GRIK4: variants seen among roughly 807,000 people sequenced by gnomAD.
GRIK4 encodes glutamate receptor ionotropic, kainate 4.
Under a neutral mutation model 104.9 loss-of-function variants are expected in GRIK4, and 40 were observed. The ratio of observed to expected loss-of-function variants is 0.38; its 90% CI spans 0.30 to 0.50. The LOEUF (loss-of-function observed/expected upper bound fraction) is 0.50. Ranked by LOEUF, GRIK4 falls within the 20% of genes least tolerant of loss-of-function variation. The pLI, the probability that GRIK4 is intolerant of heterozygous loss-of-function variation, is 0.93. For synonymous variants in GRIK4, 485 were observed against 524.9 expected (o/e 0.92, Z 1.04); for missense variants, 1,047 against 1,308.1 (o/e 0.80, Z 3.08).
At chr11:120,617,570 G>A (rs1460498631) in intron 1 of GRIK4, among the ~76,000 whole-genome samples, 4 of 152,118 alleles carry the variant, frequency 2.6e-5, no homozygotes, top group Non-Finnish European at 5.9e-5. Flanking sequence ...TGTACAGACA[G>A]TGATATCATT....
intron 19 of GRIK4, among the ~76,000 whole-genome samples, chr11:120,979,898 T>C (rs952686986): frequency 6.6e-6 from 1 of 152,192 alleles, no homozygotes; most frequent in Non-Finnish European, 1.5e-5. Flanking sequence ...TGGGGCACGA[T>C]GTCGGATCAA....
intron 4 of GRIK4, among the ~76,000 whole-genome samples, chr11:120,804,824 G>A (rs1397817648): frequency 2.0e-5 from 3 of 152,162 alleles, no homozygotes; most frequent in Admixed American, 6.5e-5. Context: ...CAAGCTGCAG[G>A]TGTTGGCCAG....
At chr11:120,598,362 G>A (rs1034601662) in intron 1 of GRIK4, among the ~76,000 whole-genome samples, 3 of 152,160 alleles carry the variant, frequency 2.0e-5, no homozygotes, top group Admixed American at 1.3e-4. Flanking sequence ...GTAGCAGAAC[G>A]GTGGTTTGAA....
rs528575251 is a variant in GRIK4, at chr11:120,963,572, G to T, written c.2266+891G>T. Among the ~76,000 whole-genome samples the T allele has an allele frequency of 2.0e-5, 3 of 152,332 alleles. No homozygotes were observed. The South Asian group carries it at 6.2e-4, about 32-fold the overall frequency. On this transcript the variant is annotated intron_variant, in intron 18 of 20. Transcript: ENST00000527524. The stretch of plus-strand genomic sequence containing the variant: ...GGGTGTTCTTGTACAAGGCAACAGG[G>T]GAAGAAGCAGGAATCGAGGCCATCA...
chr11:120,694,764 C>G (rs74482798), intron 3 of GRIK4, among the ~76,000 whole-genome samples: 6,290 of 152,208 alleles, frequency 0.041, 244 homozygotes, highest in East Asian at 0.11. Flanking sequence ...GCCCACTTGA[C>G]CTGCAAGTGC....
chr11:120,650,452 C>T lies in GRIK4; in HGVS notation c.-158-3233C>T, dbSNP rs920083918. Among the ~76,000 whole-genome samples the T allele has an allele frequency of 2.6e-5, 4 of 152,350 alleles. No individual in the cohort carries two copies. In the East Asian group the frequency reaches 7.7e-4, roughly 29 times the overall value. On this transcript the variant is annotated intron_variant, in intron 1 of 20. Coordinates refer to ENST00000527524, the MANE Select transcript of GRIK4 (RefSeq NM_014619.5). The stretch of plus-strand genomic sequence containing the variant: ...TCCCATCCTAGGCCTCTGCCCTCCT[C>T]ATGTGTTGTTTTCTCCATCCTGGTC...
intron 3 of GRIK4, among the ~76,000 whole-genome samples, chr11:120,783,699 A>G (rs1189646766): frequency 6.6e-6 from 1 of 152,040 alleles, no homozygotes; most frequent in Non-Finnish European, 1.5e-5. Context: ...TCGTCCCTCT[A>G]TGCATTTTGA....
intron 3 of GRIK4, among the ~76,000 whole-genome samples, chr11:120,694,329 C>T (rs982290403): frequency 3.3e-5 from 5 of 152,210 alleles, no homozygotes; most frequent in African/African-American, 1.2e-4. Context: ...AAGACAGGCT[C>T]TTCCGCCTCT....
chr11:120,673,435 A>G (rs1178919666), intron 3 of GRIK4, among the ~76,000 whole-genome samples: 2 of 152,148 alleles, frequency 1.3e-5, no homozygotes, highest in African/African-American at 4.8e-5. Context: ...CCCTGTCCCC[A>G]TATTGTCTGA....
At chr11:120,815,570 T>G in intron 5 of GRIK4, 95 bp downstream of exon 5, 1 of 690,488 alleles carries the variant, frequency 1.4e-6, no homozygotes. Context: ...GAAGAGCCTG[T>G]CAAGGCTGGG....
intron 1 of GRIK4, among the ~76,000 whole-genome samples, chr11:120,645,106 T>C (rs931386448): frequency 2.0e-5 from 3 of 149,848 alleles, no homozygotes; most frequent in African/African-American, 7.5e-5. Flanking sequence ...GGATGTGTGA[T>C]ATGTATATGC....
chr11:120,524,374 T>C lies in GRIK4; in HGVS notation c.-159+12487T>C, dbSNP rs547031169. Among the ~76,000 whole-genome samples, 3 of 152,262 alleles carry C rather than the reference T, an allele frequency of 2.0e-5. No individual in the cohort carries two copies. The South Asian group carries it at 6.2e-4, about 32-fold the overall frequency. ...GCAATGAGCCTTGACTCTGGAAAGC[T>C]TGGATGGGCCGCCTTCGACTCGCAG... is the stretch of plus-strand genomic sequence containing the variant. On this transcript the variant is annotated intron_variant, in intron 1 of 20. Coordinates refer to ENST00000527524, the MANE Select transcript of GRIK4 (RefSeq NM_014619.5). The surrounding 1 kb of genome is among the most constrained non-coding windows in gnomAD (Gnocchi z 4.5).
intron 3 of GRIK4, among the ~76,000 whole-genome samples, chr11:120,783,908 C>T (rs78351671): frequency 1.2e-4 from 18 of 152,236 alleles, no homozygotes; most frequent in South Asian, 2.1e-4. Flanking sequence ...GTTTGTTTTG[C>T]GAAGTGCTTT....
chr11:120,930,686 T>C (rs1943465238), intron 13 of GRIK4, among the ~76,000 whole-genome samples: 2 of 152,220 alleles, frequency 1.3e-5, no homozygotes, highest in Admixed American at 6.5e-5. Flanking sequence ...ATGAGGATGG[T>C]AAACTTTGAA....
intron 3 of GRIK4, among the ~76,000 whole-genome samples, chr11:120,669,016 C>T (rs888446790): frequency 1.3e-5 from 2 of 152,174 alleles, no homozygotes; most frequent in African/African-American, 4.8e-5. Flanking sequence ...CTAGCCTTTG[C>T]CTGCCCGGAT....
At chr11:120,877,474 G>T (rs1364799540) in intron 11 of GRIK4, among the ~76,000 whole-genome samples, 1 of 152,218 alleles carries the variant, frequency 6.6e-6, no homozygotes, top group Non-Finnish European at 1.5e-5. Context: ...GAAGCTGCCA[G>T]CCTGTGGAGA....
At chr11:120,699,765 A>C (rs1423733002) in intron 3 of GRIK4, among the ~76,000 whole-genome samples, 1 of 152,182 alleles carries the variant, frequency 6.6e-6, no homozygotes, top group Non-Finnish European at 1.5e-5. Flanking sequence ...TTGGGGAAGA[A>C]GATATTGGAG....
At chr11:120,982,075 A>G in intron 19 of GRIK4, 31 bp from the exon 20 acceptor site, 2 of 1,301,158 alleles carry the variant, frequency 1.5e-6, no homozygotes, top group East Asian at 2.3e-5. Context: ...ATCTTTTACA[A>G]TATTTTTCAT....
chr11:120,701,332 G>C (rs1241066959), intron 3 of GRIK4, among the ~76,000 whole-genome samples: 3 of 152,036 alleles, frequency 2.0e-5, no homozygotes, highest in Non-Finnish European at 2.9e-5. Context: ...CTGTGAGTTT[G>C]AGCTCCTTTT....
Sources: allele counts gnomAD v4.1 joint callset (sites outside exome capture counted in the v4.1 genomes callset), GRCh38; gene constraint gnomAD v4.1.1; non-coding constraint Gnocchi (gnomAD v3.1); transcripts MANE v1.5; gene names NCBI Gene and HGNC (gene_info 2026-07-23, HGNC 2026-07-21).